The following TBX19 variants were observed in gnomAD, a reference collection of about 807,000 sequenced individuals.
TBX19 encodes the protein T-box transcription factor 19.
Under a neutral mutation model 40.9 loss-of-function variants are expected in TBX19, and 33 were observed. The ratio of observed to expected loss-of-function variants is 0.81; its 90% CI spans 0.61 to 1.08. TBX19 has a LOEUF of 1.08. TBX19 is among the 50% of genes least tolerant of loss of function. The probability of loss-of-function intolerance (pLI) is 0.00; values close to 1 mark genes in which losing one functional copy is unlikely to be tolerated. For synonymous variants in TBX19, 220 were observed against 225.0 expected (o/e 0.98, Z 0.20); for missense variants, 494 against 574.0 (o/e 0.86, Z 1.42).
chr1:168,300,436 A>T lies in TBX19; in HGVS notation c.680A>T (p.Asp227Val). ...LDAKERNHLR[D>V]VPEAISESQH... ...TACTCTTTCAGAAATCACCTAAGAGACGTACCGGAGGCTATCTCTGAGAGC... is the reference window on the plus strand; with the variant it reads ...TACTCTTTCAGAAATCACCTAAGAGTCGTACCGGAGGCTATCTCTGAGAGC... The change falls in exon 5 of 8, where the codon GAC becomes GTC. Residue 227 changes from aspartate (D) to valine (V), a missense_variant. By Grantham distance (152) the Asp-to-Val change is radical. Coordinates refer to ENST00000367821, the MANE Select transcript of TBX19 (RefSeq NM_005149.3). The T allele has an allele frequency of 6.2e-7, 1 of 1,614,110 alleles. No individual in the cohort carries two copies. Among genetic ancestry groups the T allele is most frequent in the South Asian group, 1.1e-5 (1 of 91,064 alleles).
intron 6 of TBX19, among the ~76,000 whole-genome samples, chr1:168,306,948 C>G (rs1411021127): frequency 6.6e-6 from 1 of 152,118 alleles, no homozygotes; most frequent in Non-Finnish European, 1.5e-5. Flanking sequence ...TAAATGGAGC[C>G]TTGAAAGATG....
chr1:168,296,444 C>T (rs1420060070), intron 3 of TBX19, among the ~76,000 whole-genome samples: 2 of 152,120 alleles, frequency 1.3e-5, no homozygotes, highest in Non-Finnish European at 2.9e-5. Flanking sequence ...ACACATCTTA[C>T]ATGGTGACAG....
At position 168,281,289 on chromosome 1, in the gene TBX19, G is replaced by A; in HGVS notation, c.199G>A (p.Gly67Ser). 2 of 1,614,168 alleles carry A rather than the reference G, an allele frequency of 1.2e-6. No individual in the cohort carries two copies. Among genetic ancestry groups the A allele is most frequent in the South Asian group, 2.2e-5 (2 of 91,072 alleles). Residue 67 changes from glycine to serine, a missense_variant, in exon 1 of 8, where the codon GGC (glycine) becomes AGC (serine). Physicochemically the swap from Gly to Ser is moderately conservative, Grantham distance 56. Coordinates refer to ENST00000367821, the MANE Select transcript of TBX19 (RefSeq NM_005149.3). The part of the protein sequence containing the change: ...VTNEMIVTKN[G>S]RRMFPVLKIS... ...TAATGAGATGATTGTGACCAAGAAT[G>A]GCAGGTGAGTTTATCTGCCGCCCCG... is the stretch of plus-strand genomic sequence containing the variant.
intron 1 of TBX19, among the ~76,000 whole-genome samples, chr1:168,284,161 A>G (rs961248050): frequency 2.0e-5 from 3 of 149,476 alleles, no homozygotes; most frequent in African/African-American, 7.4e-5. Flanking sequence ...TTTCCCTTTC[A>G]GCCTTTTCTT....
At chr1:168,311,236 A>G (rs1649513586) in intron 7 of TBX19, among the ~76,000 whole-genome samples, 1 of 152,150 alleles carries the variant, frequency 6.6e-6, no homozygotes. Context: ...AGTCATCCAT[A>G]TATAAGTCAT....
rs767791473 is a variant in TBX19, at chr1:168,281,116, G to A, written c.26G>A (p.Arg9Gln). The A allele has an allele frequency of 5.6e-5, 91 of 1,613,988 alleles. No individual in the cohort carries two copies. The South Asian group carries it at 9.1e-4, about 16-fold the overall frequency. ...ATGGCCATGAGTGAGCTGGGCACTC[G>A]GAAGCCCAGCGATGGCACTGTTTCT... MAMSELGT[R>Q]KPSDGTVSHL... The change falls in exon 1 of 8, where the codon CGG becomes CAG. Residue 9 changes from arginine to glutamine, a missense_variant. Arg to Gln is a conservative substitution (Grantham distance 43). This residue lies in a region of TBX19 where 201 missense variants were observed against 235.2 expected (regional missense o/e 0.85). Coordinates refer to ENST00000367821, the MANE Select transcript of TBX19 (RefSeq NM_005149.3).
At chr1:168,311,699 C>G (rs1337753952) in intron 7 of TBX19, among the ~76,000 whole-genome samples, 1 of 152,164 alleles carries the variant, frequency 6.6e-6, no homozygotes, top group Admixed American at 6.5e-5. Context: ...TCAAGCAATA[C>G]AGTGTTGGGC....
intron 2 of TBX19, 80 bp from the exon 3 acceptor site, chr1:168,293,064 A>C (rs1458081377): frequency 3.1e-6 from 5 of 1,597,520 alleles, no homozygotes; most frequent in Non-Finnish European, 4.3e-6. Context: ...CTTGGGACCA[A>C]CTGGAGATGC....
intron 1 of TBX19, among the ~76,000 whole-genome samples, chr1:168,290,189 G>A (rs7354974): frequency 0.62 from 93,708 of 152,002 alleles, 29,021 homozygotes; most frequent in Non-Finnish European, 0.67. Context: ...GCTAATGGCC[G>A]TGGGGTTTCT....
At chr1:168,312,236 A>G (rs1649542056) in intron 7 of TBX19, among the ~76,000 whole-genome samples, 1 of 152,230 alleles carries the variant, frequency 6.6e-6, no homozygotes, top group African/African-American at 2.4e-5. Flanking sequence ...ACACTCAGAG[A>G]TATTAAATAA....
chr1:168,304,768 C>A (rs1377264228), intron 5 of TBX19, among the ~76,000 whole-genome samples: 2 of 152,228 alleles, frequency 1.3e-5, no homozygotes, highest in Admixed American at 1.3e-4. Flanking sequence ...CTCACTGATA[C>A]AATTTTTGCA....
At chr1:168,289,360 C>T (rs1648883220) in intron 1 of TBX19, among the ~76,000 whole-genome samples, 1 of 152,140 alleles carries the variant, frequency 6.6e-6, no homozygotes. Context: ...AATAATCCTT[C>T]TATTGAAGAA....
intron 6 of TBX19, among the ~76,000 whole-genome samples, chr1:168,307,799 A>G (rs1558195162): frequency 6.6e-6 from 1 of 152,208 alleles, no homozygotes. Flanking sequence ...ACATATGCAT[A>G]GTGAAGTGAT....
chr1:168,300,415 C>T lies in TBX19; in HGVS notation c.666-7C>T. ...ACAGCCATGGTGCATTTTCTTTACT[C>T]TTTCAGAAATCACCTAAGAGACGTA... On this transcript the variant is annotated splice_polypyrimidine_tract_variant and splice_region_variant and intron_variant, in intron 4 of 7. Coordinates refer to ENST00000367821, the MANE Select transcript of TBX19 (RefSeq NM_005149.3). 1 of 1,613,984 alleles carries T rather than the reference C, an allele frequency of 6.2e-7. No individual in the cohort carries two copies. The highest frequency in any genetic ancestry group is 1.3e-5 in the African/African-American group (1 of 75,034).
intron 3 of TBX19, 24 bp downstream of exon 3, chr1:168,293,302 T>TGA: frequency 1.3e-6 from 2 of 1,569,174 alleles, no homozygotes; most frequent in Non-Finnish European, 1.7e-6. Flanking sequence ...TGTGTGTGTG[T>TGA]GTGTGTGTGT....
chr1:168,284,768 C>CAAAAAAA (rs146281397), intron 1 of TBX19, among the ~76,000 whole-genome samples: 5 of 74,990 alleles, frequency 6.7e-5, no homozygotes, highest in African/African-American at 1.0e-4. Context: ...GACCGTGTCT[C>CAAAAAAA]AAAAAAAAAA....
At chr1:168,306,849 C>T (rs1479502415) in intron 6 of TBX19, among the ~76,000 whole-genome samples, 2 of 152,106 alleles carry the variant, frequency 1.3e-5, no homozygotes, top group South Asian at 2.1e-4. Context: ...CTATAAAACA[C>T]ATAAGTCAGG....
chr1:168,310,748 TA>T (rs1030550154), intron 7 of TBX19, among the ~76,000 whole-genome samples: 2 of 146,362 alleles, frequency 1.4e-5, no homozygotes, highest in African/African-American at 5.0e-5. Flanking sequence ...GACTTATATA[TA>T]AAATAGATAA....
chr1:168,281,910 G>A (rs1648663702), intron 1 of TBX19, among the ~76,000 whole-genome samples: 1 of 152,182 alleles, frequency 6.6e-6, no homozygotes, highest in African/African-American at 2.4e-5. Context: ...AAAAGAAGAT[G>A]CCTTCTTTCT....
Sources: allele counts gnomAD v4.1 joint callset (sites outside exome capture counted in the v4.1 genomes callset), GRCh38; gene constraint gnomAD v4.1.1; regional missense constraint gnomAD v4.1.1; transcripts MANE v1.5; gene names NCBI Gene and HGNC (gene_info 2026-07-23, HGNC 2026-07-21).